Variants in SCN3A observed in about 807,000 individuals in gnomAD.
SCN3A encodes the protein sodium channel protein type 3 subunit alpha.
A neutral mutation model predicts 187.6 loss-of-function variants in SCN3A; 60 were observed. That is an observed-to-expected ratio of 0.32 (90% confidence interval 0.26 to 0.40). The LOEUF (loss-of-function observed/expected upper bound fraction) is 0.40. Ranked by LOEUF, SCN3A falls within the 10% of genes least tolerant of loss-of-function variation. The pLI, the probability that SCN3A is intolerant of heterozygous loss-of-function variation, is 1.00. For missense variants in SCN3A, 1,601 were observed against 2,428.2 expected (o/e 0.66, Z 7.16); for synonymous variants, 788 against 829.2 (o/e 0.95, Z 0.85).
chr2:165,165,865 T>TC (rs1689725427), intron 5 of SCN3A, among the ~76,000 whole-genome samples: 1 of 152,190 alleles, frequency 6.6e-6, no homozygotes, highest in Non-Finnish European at 1.5e-5. Flanking sequence ...CTTCCTTTTC[T>TC]CCCCCAACAA....
chr2:165,103,387 C>T (rs1363629036), intron 21 of SCN3A, among the ~76,000 whole-genome samples: 1 of 152,116 alleles, frequency 6.6e-6, no homozygotes, highest in Non-Finnish European at 1.5e-5. Flanking sequence ...GTGTTTTTCA[C>T]CTTAGCAAAT....
intron 1 of SCN3A, among the ~76,000 whole-genome samples, chr2:165,202,580 G>A (rs369705986): frequency 6.6e-6 from 1 of 151,982 alleles, no homozygotes; most frequent in African/African-American, 2.4e-5. Context: ...AATGTTTTTG[G>A]GGGGACTATT....
intron 22 of SCN3A, among the ~76,000 whole-genome samples, chr2:165,099,177 C>G (rs533572513): frequency 1.3e-5 from 2 of 152,228 alleles, no homozygotes; most frequent in Admixed American, 6.5e-5. Context: ...AACATCCTAA[C>G]ATGAAAGCCC....
chr2:165,183,519 T>C (rs1039297088), intron 2 of SCN3A, among the ~76,000 whole-genome samples: 1 of 152,220 alleles, frequency 6.6e-6, no homozygotes, highest in Non-Finnish European at 1.5e-5. Flanking sequence ...AGTACAAGAC[T>C]AATATTTGTT....
intron 22 of SCN3A, 126 bp downstream of exon 22, chr2:165,100,175 TA>T: frequency 8.5e-7 from 1 of 1,176,924 alleles, no homozygotes; most frequent in Non-Finnish European, 1.3e-6. Flanking sequence ...TTGTGATATC[TA>T]AGATTTTTGC....
In SCN3A at chr2:165,131,852, T is replaced by A. The variant is rs529953257; in HGVS notation, c.2392-435A>T. ...CACTTATGAGTGAGAACATGTGGTG[T>A]TTGGTTTTTTGTCTTTGTGATAGTT... On this transcript the variant is annotated intron_variant, in intron 15 of 27. Transcript: ENST00000283254. Among the ~76,000 whole-genome samples, 7 of 149,952 alleles carry A rather than the reference T, an allele frequency of 4.7e-5. No individual in the cohort carries two copies. In the South Asian group the frequency reaches 1.5e-3, roughly 32 times the overall value.
chr2:165,107,471 A>C (rs547863301), intron 21 of SCN3A, among the ~76,000 whole-genome samples: 51 of 152,346 alleles, frequency 3.3e-4, no homozygotes, highest in African/African-American at 1.0e-3. Flanking sequence ...TTAATATGAA[A>C]TGACAATAAT....
chr2:165,104,021 TAAAA>T (rs920371841), intron 21 of SCN3A, among the ~76,000 whole-genome samples: 1 of 152,022 alleles, frequency 6.6e-6, no homozygotes, highest in African/African-American at 2.4e-5. Context: ...GTTGTTATCT[TAAAA>T]AATCCCATAA....
chr2:165,151,087 A>C (rs1688659850), intron 11 of SCN3A, among the ~76,000 whole-genome samples: 1 of 152,192 alleles, frequency 6.6e-6, no homozygotes, highest in Non-Finnish European at 1.5e-5. Flanking sequence ...TAAAATCAAT[A>C]AGGTATATCC....
chr2:165,125,661 T>C (rs1223461755), intron 18 of SCN3A, among the ~76,000 whole-genome samples: 1 of 152,134 alleles, frequency 6.6e-6, no homozygotes, highest in African/African-American at 2.4e-5. Flanking sequence ...CATGAGTTCA[T>C]GTTAGCTTAC....
chr2:165,128,043 G>A lies in SCN3A; in HGVS notation c.2981C>T (p.Ala994Val). 6.2e-7 allele frequency: 1 copy of A among 1,613,474 alleles called. No individual in the cohort carries two copies. Among genetic ancestry groups the A allele is most frequent in the Non-Finnish European group, 8.5e-7 (1 of 1,179,932 alleles). ...LSSFSSDNLA[A>V]TDDDNEMNNL... ...ATTCATTTCATTGTCATCATCAGTA[G>A]CAGCAAGGTTGTCTGAGCTAAATGA... The change falls in exon 18 of 28, where the codon GCT becomes GTT. Residue 994 changes from alanine (A) to valine (V), a missense_variant. This residue lies in a region of SCN3A where 267 missense variants were observed against 313.2 expected (regional missense o/e 0.85). Transcript: ENST00000283254.
intron 11 of SCN3A, among the ~76,000 whole-genome samples, chr2:165,152,456 T>C (rs1418316187): frequency 2.0e-5 from 3 of 152,226 alleles, no homozygotes; most frequent in African/African-American, 7.2e-5. Context: ...ATAGAAATCA[T>C]TCAAATTGCA....
chr2:165,089,981 A>C lies in SCN3A; in HGVS notation c.*169T>G. On this transcript the variant is annotated 3_prime_UTR_variant, in exon 28 of 28. Coordinates refer to ENST00000283254, the MANE Select transcript of SCN3A (RefSeq NM_006922.4). Reference sequence around the variant, plus strand: ...TCAATGTTGATACCCTGCTTCACAGAGTTGCAGTGACAGAGAGGTCACTTC... The same window carrying C: ...TCAATGTTGATACCCTGCTTCACAGCGTTGCAGTGACAGAGAGGTCACTTC... The C allele has an allele frequency of 1.2e-6, 1 of 840,376 alleles. No homozygotes were observed. Among genetic ancestry groups the C allele is most frequent in the South Asian group, 1.8e-5 (1 of 54,562 alleles). 52.1% of individuals were successfully genotyped at this position (840,376 alleles called of 1,614,324 possible). A position where few individuals can be genotyped will look rare whatever the true frequency, so the allele number is the denominator to read the frequency against.
At chr2:165,128,659 C>T (rs1298489579) in intron 17 of SCN3A, among the ~76,000 whole-genome samples, 5 of 152,172 alleles carry the variant, frequency 3.3e-5, no homozygotes, top group African/African-American at 4.8e-5. Flanking sequence ...AAATTATATA[C>T]GATTTAACAC....
At chr2:165,109,898 T>C (rs1336724986) in intron 21 of SCN3A, among the ~76,000 whole-genome samples, 2 of 152,222 alleles carry the variant, frequency 1.3e-5, no homozygotes, top group African/African-American at 4.8e-5. Context: ...CTCTCACTCA[T>C]GTTTCATCAC....
At chr2:165,203,323 A>G (rs1025862999) in intron 1 of SCN3A, among the ~76,000 whole-genome samples, 3 of 152,008 alleles carry the variant, frequency 2.0e-5, no homozygotes, top group Admixed American at 6.6e-5. Context: ...TTTAGAGAAA[A>G]ATGATAGTGT....
intron 21 of SCN3A, among the ~76,000 whole-genome samples, chr2:165,111,638 T>G (rs1400964719): frequency 1.3e-5 from 2 of 152,106 alleles, no homozygotes; most frequent in Non-Finnish European, 2.9e-5. Context: ...CGTATCAACT[T>G]TATTATTAAG....
intron 1 of SCN3A, 100 bp downstream of exon 1, chr2:165,203,723 C>T (rs1692459907): frequency 6.6e-6 from 1 of 151,782 alleles, no homozygotes; most frequent in Non-Finnish European, 1.5e-5. Context: ...TTAAACAACA[C>T]TGGGTTAAAA....
chr2:165,174,583 CCTTT>C (rs1287141605), intron 3 of SCN3A, among the ~76,000 whole-genome samples: 1 of 152,142 alleles, frequency 6.6e-6, no homozygotes, highest in African/African-American at 2.4e-5. Flanking sequence ...AAGGACACTT[CCTTT>C]CTTTAAGTAG....
Sources: gnomAD v4.1 joint callset for allele counts (sites outside exome capture counted in the v4.1 genomes callset) on GRCh38, gnomAD v4.1.1 for gene constraint, gnomAD v4.1.1 regional missense constraint, MANE v1.5 for transcripts, NCBI Gene and HGNC (gene_info 2026-07-23, HGNC 2026-07-21) for gene names.